GLIS3: variants seen among roughly 807,000 people sequenced by gnomAD.
GLIS3 encodes the protein zinc finger protein GLIS3.
Under a neutral mutation model 78.6 loss-of-function variants are expected in GLIS3, and 53 were observed. The observed-to-expected ratio is 0.67, with a 90% CI of 0.54 to 0.85. GLIS3 has a LOEUF of 0.85. Among genes scored for constraint, GLIS3 ranks in the 40% least tolerant of loss-of-function variants. The pLI, the probability that GLIS3 is intolerant of heterozygous loss-of-function variation, is 0.00. For missense variants in GLIS3, 1,703 were observed against 1,231.1 expected (o/e 1.38, Z -5.74); for synonymous variants, 684 against 509.9 (o/e 1.34, Z -4.60).
intron 2 of GLIS3, among the ~76,000 whole-genome samples, chr9:4,274,020 G>A (rs1239733024): frequency 6.6e-6 from 1 of 152,152 alleles, no homozygotes; most frequent in African/African-American, 2.4e-5. Context: ...TCCAGGACAT[G>A]TGGCCGAGTC....
chr9:4,273,900 T>G (rs566297414), intron 2 of GLIS3, among the ~76,000 whole-genome samples: 2 of 152,186 alleles, frequency 1.3e-5, no homozygotes, highest in East Asian at 3.9e-4. Context: ...TCCCATTTCG[T>G]ACCCTGCCCT....
chr9:4,058,293 C>T (rs761426688), intron 4 of GLIS3, among the ~76,000 whole-genome samples: 1 of 151,736 alleles, frequency 6.6e-6, no homozygotes, highest in Non-Finnish European at 1.5e-5. Flanking sequence ...AACTATGAAC[C>T]ACACATACAC....
chr9:4,466,712 C>T, the GLIS3 span, among the ~76,000 whole-genome samples: 5 of 152,174 alleles, frequency 3.3e-5, no homozygotes, highest in South Asian at 2.1e-4. Flanking sequence ...CAGCTCCCAG[C>T]GTGAGCGACG....
chr9:4,368,278 A>G, the GLIS3 span, among the ~76,000 whole-genome samples: 26 of 152,266 alleles, frequency 1.7e-4, no homozygotes, highest in Admixed American at 1.3e-3. Flanking sequence ...CCAGAAGGCA[A>G]TAGAGCATCA....
intron 4 of GLIS3, among the ~76,000 whole-genome samples, chr9:4,002,939 C>A (rs1007078580): frequency 2.6e-5 from 4 of 152,212 alleles, no homozygotes; most frequent in African/African-American, 9.7e-5. Context: ...GGCTCTGATA[C>A]TGCTAAGTCA....
chr9:3,971,959 G>C (rs906453547), intron 4 of GLIS3, among the ~76,000 whole-genome samples: 1 of 152,152 alleles, frequency 6.6e-6, no homozygotes, highest in Non-Finnish European at 1.5e-5. Flanking sequence ...GGAGAAAACA[G>C]TGAGTAACAG....
chr9:4,457,848 CA>C, the GLIS3 span, among the ~76,000 whole-genome samples: 1,944 of 123,360 alleles, frequency 0.016, 52 homozygotes, highest in Admixed American at 0.068. Context: ...GACTCCATCT[CA>C]AAAAAAAAAA....
chr9:4,051,146 GC>G (rs1184911965), intron 4 of GLIS3, among the ~76,000 whole-genome samples: 1 of 152,210 alleles, frequency 6.6e-6, no homozygotes, highest in African/African-American at 2.4e-5. Flanking sequence ...CAAAATGGAA[GC>G]AGACAATGAG....
intron 4 of GLIS3, among the ~76,000 whole-genome samples, chr9:4,000,523 G>C (rs1400491109): frequency 6.6e-6 from 1 of 151,872 alleles, no homozygotes; most frequent in Non-Finnish European, 1.5e-5. Context: ...TATTCACTCT[G>C]GTAGGTAAAA....
chr9:4,140,802 C>CCTT (rs113682971), intron 2 of GLIS3, among the ~76,000 whole-genome samples: 99,780 of 148,556 alleles, frequency 0.67, 34,023 homozygotes, highest in South Asian at 0.71. Context: ...TTGAATTTAT[C>CCTT]TTTTTTTTTT....
chr9:4,240,192 A>C (rs1160294963), intron 2 of GLIS3, among the ~76,000 whole-genome samples: 2 of 5,212 alleles, frequency 3.8e-4, no homozygotes, highest in South Asian at 0.012. Flanking sequence ...GATGTGGGGG[A>C]GGTGGGGGGG....
intron 4 of GLIS3, among the ~76,000 whole-genome samples, chr9:3,983,798 G>A (rs968155150): frequency 1.3e-5 from 2 of 152,198 alleles, no homozygotes; most frequent in South Asian, 2.1e-4. Flanking sequence ...TGACTTGGGT[G>A]CTGTTAAGGG....
chr9:4,272,415 T>C (rs1554644372), intron 2 of GLIS3, among the ~76,000 whole-genome samples: 1 of 151,934 alleles, frequency 6.6e-6, no homozygotes, highest in Non-Finnish European at 1.5e-5. Context: ...CAAAACAACA[T>C]CCTATGGAAA....
rs1041478849 is a variant in GLIS3 at position 4,262,218 on chromosome 9, G to T, written c.388+23820C>A. Reference sequence around the variant, plus strand: ...AACTCTCCGGCTACCTCCTGGATGGGAGGTGTCACTAGCCATTTCTTGAGG... The same window carrying T: ...AACTCTCCGGCTACCTCCTGGATGGTAGGTGTCACTAGCCATTTCTTGAGG... On this transcript the variant is annotated intron_variant, in intron 2 of 10. Transcript: ENST00000381971. Among the ~76,000 whole-genome samples the T allele has an allele frequency of 3.3e-5, 5 of 152,242 alleles. No individual in the cohort carries two copies. The East Asian group carries it at 5.8e-4, about 18-fold the overall frequency.
chr9:4,316,570 C>T (rs986207323), intron 2 of GLIS3, among the ~76,000 whole-genome samples: 2 of 152,144 alleles, frequency 1.3e-5, no homozygotes, highest in South Asian at 2.1e-4. Context: ...TCTCTGGGTA[C>T]TCCGGTTTCC....
intron 2 of GLIS3, among the ~76,000 whole-genome samples, chr9:4,318,739 T>C (rs898215738): frequency 3.3e-5 from 5 of 152,192 alleles, no homozygotes; most frequent in African/African-American, 1.2e-4. Flanking sequence ...TTGCAGCCTC[T>C]GCAGTAATAA....
intron 2 of GLIS3, among the ~76,000 whole-genome samples, chr9:4,281,221 A>G (rs1827516786): frequency 6.6e-6 from 1 of 152,242 alleles, no homozygotes; most frequent in Admixed American, 6.5e-5. Context: ...ATTGGACACC[A>G]TCACCCGTTC....
chr9:4,355,557 T>C, the GLIS3 span, among the ~76,000 whole-genome samples: 1 of 152,170 alleles, frequency 6.6e-6, no homozygotes. Flanking sequence ...TGACACCTCA[T>C]AGCCCAGGAA....
chr9:4,237,045 G>A (rs1333473383), intron 2 of GLIS3, among the ~76,000 whole-genome samples: 1 of 151,876 alleles, frequency 6.6e-6, no homozygotes, highest in Non-Finnish European at 1.5e-5. Flanking sequence ...CTGCCATGTG[G>A]AAATCACAGA....
Sources: allele counts gnomAD v4.1 joint callset (sites outside exome capture counted in the v4.1 genomes callset), GRCh38; gene constraint gnomAD v4.1.1; transcripts MANE v1.5; gene names NCBI Gene and HGNC (gene_info 2026-07-23, HGNC 2026-07-21).